Variants in SPAG16 observed in about 807,000 individuals in gnomAD.
The protein encoded by SPAG16 is sperm associated antigen 16, also known as sperm-associated antigen 16 protein.
In SPAG16, 86 loss-of-function variants were observed where a neutral mutation model predicts 80.4. That is an observed-to-expected ratio of 1.07 (90% CI 0.90 to 1.28). SPAG16 has a LOEUF of 1.28. SPAG16 is among the 50% of genes most tolerant of loss of function. The probability of loss-of-function intolerance (pLI) is 0.00; values close to 1 mark genes in which losing one functional copy is unlikely to be tolerated. For missense variants in SPAG16, 870 were observed against 765.3 expected, an observed-to-expected ratio of 1.14 and a Z score of -1.61; for synonymous variants, 294 against 265.9, an observed-to-expected ratio of 1.11 and a Z score of -1.03.
At chr2:214,260,186 T>G (rs1691035747) in intron 15 of SPAG16, among the ~76,000 whole-genome samples, 1 of 152,036 alleles carries the variant, frequency 6.6e-6, no homozygotes, top group Non-Finnish European at 1.5e-5. Flanking sequence ...TTTAAAAATT[T>G]TCTAAGTGAT....
chr2:213,284,727 G>A (rs917452570), intron 1 of SPAG16, 108 bp downstream of exon 1: 2 of 1,415,644 alleles, frequency 1.4e-6, no homozygotes, highest in African/African-American at 2.9e-5. Flanking sequence ...GGGCCACTCC[G>A]GAGGAGCCTC....
At chr2:213,604,296 TA>T (rs779353289) in intron 10 of SPAG16, among the ~76,000 whole-genome samples, 2 of 152,344 alleles carry the variant, frequency 1.3e-5, no homozygotes, top group Admixed American at 6.5e-5. Context: ...TTTCTGAAGC[TA>T]GTTCTGTTTT....
chr2:213,505,113 A>G (rs1324049415), intron 10 of SPAG16, among the ~76,000 whole-genome samples: 4 of 152,144 alleles, frequency 2.6e-5, no homozygotes, highest in Admixed American at 1.3e-4. Flanking sequence ...TATAACAGCA[A>G]CTGTTTTGTA....
At chr2:213,991,522 C>G (rs1331984986) in intron 12 of SPAG16, among the ~76,000 whole-genome samples, 1 of 152,098 alleles carries the variant, frequency 6.6e-6, no homozygotes, top group African/African-American at 2.4e-5. Flanking sequence ...GGCATCCTCA[C>G]ATTCCATTTA....
chr2:213,733,930 C>A (rs764555565), intron 10 of SPAG16, among the ~76,000 whole-genome samples: 6 of 152,096 alleles, frequency 3.9e-5, no homozygotes, highest in Non-Finnish European at 7.4e-5. Flanking sequence ...GTTTTATAGC[C>A]ACTTTTATAT....
At chr2:213,778,692 T>C (rs2069755023) in intron 10 of SPAG16, among the ~76,000 whole-genome samples, 1 of 152,160 alleles carries the variant, frequency 6.6e-6, no homozygotes, top group African/African-American at 2.4e-5. Context: ...CCTACTTGGC[T>C]AAATCCATCA....
intron 14 of SPAG16, among the ~76,000 whole-genome samples, chr2:214,138,722 T>A (rs1478775513): frequency 6.6e-6 from 1 of 152,176 alleles, no homozygotes; most frequent in African/African-American, 2.4e-5. Flanking sequence ...TACACATGTA[T>A]ATGCATATTA....
intron 10 of SPAG16, among the ~76,000 whole-genome samples, chr2:213,619,212 G>A (rs1215103757): frequency 6.6e-6 from 1 of 152,038 alleles, no homozygotes; most frequent in African/African-American, 2.4e-5. Flanking sequence ...ACTCAAAATG[G>A]ATTAAACACT....
chr2:213,653,029 T>C (rs2063079790), intron 10 of SPAG16, among the ~76,000 whole-genome samples: 1 of 152,180 alleles, frequency 6.6e-6, no homozygotes, highest in African/African-American at 2.4e-5. Context: ...CTTCTATGGT[T>C]CACTGCCCGG....
At chr2:214,128,468 C>T (rs571364274) in intron 14 of SPAG16, among the ~76,000 whole-genome samples, 2 of 151,866 alleles carry the variant, frequency 1.3e-5, no homozygotes, top group African/African-American at 4.8e-5. Flanking sequence ...ACCTTCTCCA[C>T]TGTCCCCTAA....
chr2:214,244,187 A>C (rs1360976122), intron 15 of SPAG16, among the ~76,000 whole-genome samples: 2 of 152,062 alleles, frequency 1.3e-5, no homozygotes, highest in Non-Finnish European at 2.9e-5. Context: ...GGATATATTT[A>C]AAATAATTAC....
rs1462065714 is a variant in SPAG16, at chr2:214,297,266, G to C, written c.1721-112874G>C. Among the ~76,000 whole-genome samples, 4 of 152,046 alleles carry C rather than the reference G, an allele frequency of 2.6e-5. No homozygotes were observed. In the East Asian group the frequency reaches 7.7e-4, roughly 29 times the overall value. On this transcript the variant is annotated intron_variant, in intron 15 of 15. Coordinates refer to ENST00000331683, the MANE Select transcript of SPAG16 (RefSeq NM_024532.5). ...TTTTCTTCAATTCTGTAGGTTGTCA[G>C]TTTACTCTGTTAATTTTTTGTTGTT...
At chr2:213,986,594 C>T (rs923890560) in intron 12 of SPAG16, among the ~76,000 whole-genome samples, 9 of 151,668 alleles carry the variant, frequency 5.9e-5, no homozygotes, top group African/African-American at 1.9e-4. Flanking sequence ...AGAACAGTTA[C>T]AAAGAAACAA....
chr2:213,477,652 C>T (rs1001103304), intron 9 of SPAG16, among the ~76,000 whole-genome samples: 1 of 152,160 alleles, frequency 6.6e-6, no homozygotes, highest in Non-Finnish European at 1.5e-5. Flanking sequence ...AGCATTTATT[C>T]AATGTCTGTA....
intron 3 of SPAG16, among the ~76,000 whole-genome samples, chr2:213,301,387 C>CTCACTGGTTTATTTTTTT (rs2062735429): frequency 6.6e-6 from 1 of 152,116 alleles, no homozygotes; most frequent in Non-Finnish European, 1.5e-5. Context: ...ACTTGGATTT[C>CTCACTGGTTTATTTTTTT]ATTGTTTATT....
chr2:214,377,095 G>A (rs1435790727), intron 15 of SPAG16, among the ~76,000 whole-genome samples: 1 of 152,108 alleles, frequency 6.6e-6, no homozygotes, highest in Non-Finnish European at 1.5e-5. Flanking sequence ...GCCACTTCCT[G>A]TTGCTATTGT....
Position 214,303,829 on chromosome 2 carries a change from C to G in SPAG16, c.1721-106311C>G, listed in dbSNP as rs771644735. 8.5e-4 allele frequency among the ~76,000 whole-genome samples: 129 copies of G among 151,730 alleles called. 1 individual carries two copies. The highest frequency in any genetic ancestry group is 1.4e-3 in the Non-Finnish European group (93 of 67,958). The stretch of plus-strand genomic sequence containing the variant: ...AAATTTTGGTTTTTAAAATTTTTCT[C>G]TTACTGAATTAATTCAAAAGAGCAG... On this transcript the variant is annotated intron_variant, in intron 15 of 15. Transcript: ENST00000331683.
chr2:213,381,910 G>A (rs1372159132), intron 9 of SPAG16, among the ~76,000 whole-genome samples: 2 of 152,196 alleles, frequency 1.3e-5, no homozygotes, highest in Non-Finnish European at 2.9e-5. Flanking sequence ...ATACTGCCAA[G>A]ATTTCTGTTC....
chr2:213,550,408 G>C (rs1411166912), intron 10 of SPAG16, among the ~76,000 whole-genome samples: 1 of 151,560 alleles, frequency 6.6e-6, no homozygotes, highest in African/African-American at 2.4e-5. Context: ...CCTTATCTTA[G>C]GATTTTCATC....
Sources: gnomAD v4.1 joint callset for allele counts (sites outside exome capture counted in the v4.1 genomes callset) on GRCh38, gnomAD v4.1.1 for gene constraint, MANE v1.5 for transcripts, NCBI Gene and HGNC (gene_info 2026-07-23, HGNC 2026-07-21) for gene names.